Variants in HIVEP3 observed in about 807,000 individuals in gnomAD.
HIVEP3 encodes the protein transcription factor HIVEP3.
Under a neutral mutation model 152.8 loss-of-function variants are expected in HIVEP3, and 49 were observed. The observed-to-expected ratio is 0.32, with a 90% CI of 0.26 to 0.41. The LOEUF (loss-of-function observed/expected upper bound fraction) is 0.41, where lower values mean the gene tolerates loss of function less well. HIVEP3 is among the 10% of genes least tolerant of loss of function. The probability of loss-of-function intolerance (pLI) is 1.00; values close to 1 mark genes in which losing one functional copy is unlikely to be tolerated. For missense variants in HIVEP3, 2,790 were observed against 3,103.3 expected (o/e 0.90, Z 2.40); for synonymous variants, 1,269 against 1,289.0 (o/e 0.98, Z 0.33).
chr1:41,790,896 G>A (rs1649651921), intron 1 of HIVEP3, among the ~76,000 whole-genome samples: 1 of 151,988 alleles, frequency 6.6e-6, no homozygotes. Flanking sequence ...CCCAACCCCT[G>A]TACCATTTTC....
At chr1:41,556,299 T>C (rs1055045783) in intron 5 of HIVEP3, among the ~76,000 whole-genome samples, 11 of 152,250 alleles carry the variant, frequency 7.2e-5, no homozygotes, top group African/African-American at 2.2e-4. Flanking sequence ...TTATTTTCCA[T>C]GTTTTTGATA....
At chr1:41,804,160 G>A (rs758713015) in intron 1 of HIVEP3, among the ~76,000 whole-genome samples, 5 of 152,136 alleles carry the variant, frequency 3.3e-5, no homozygotes, top group South Asian at 2.1e-4. Flanking sequence ...TACTTACTCT[G>A]TAAAACCCAC....
intron 1 of HIVEP3, among the ~76,000 whole-genome samples, chr1:41,739,155 C>G (rs1027825241): frequency 7.2e-5 from 11 of 152,252 alleles, no homozygotes; most frequent in African/African-American, 2.7e-4. Context: ...GAGCCCGCGC[C>G]GCCTCTGCCC....
At chr1:41,915,190 T>G (rs1292698925) in intron 1 of HIVEP3, among the ~76,000 whole-genome samples, 2 of 152,174 alleles carry the variant, frequency 1.3e-5, no homozygotes, top group Non-Finnish European at 2.9e-5. Flanking sequence ...TTAAATTGGA[T>G]GAACAAAATA....
chr1:41,785,418 G>A (rs1203532784), intron 1 of HIVEP3, among the ~76,000 whole-genome samples: 1 of 152,134 alleles, frequency 6.6e-6, no homozygotes, highest in Admixed American at 6.6e-5. Context: ...GATCAAAGGA[G>A]CAACAGACCA....
intron 1 of HIVEP3, among the ~76,000 whole-genome samples, chr1:42,023,978 TGTAAA>T (rs1645568953): frequency 6.6e-6 from 1 of 152,216 alleles, no homozygotes; most frequent in Non-Finnish European, 1.5e-5. Context: ...AGTCTGTAAA[TGTAAA>T]GTAGTGTTTT....
At chr1:41,599,263 T>C (rs1644711724) in intron 3 of HIVEP3, among the ~76,000 whole-genome samples, 1 of 152,088 alleles carries the variant, frequency 6.6e-6, no homozygotes, top group Admixed American at 6.6e-5. Flanking sequence ...GAATGTGAAA[T>C]GAATAAATGA....
intron 5 of HIVEP3, among the ~76,000 whole-genome samples, chr1:41,541,861 A>G (rs949138688): frequency 2.0e-5 from 3 of 152,216 alleles, no homozygotes; most frequent in Non-Finnish European, 2.9e-5. Flanking sequence ...TCACTCTGTA[A>G]TAACTCATGG....
At chr1:41,606,110 ACT>A (rs1644819322) in intron 3 of HIVEP3, among the ~76,000 whole-genome samples, 1 of 149,488 alleles carries the variant, frequency 6.7e-6, no homozygotes, top group Admixed American at 6.6e-5. Context: ...TATGGTACTG[ACT>A]CTCTGCTGTG....
chr1:41,759,909 C>T (rs2055953), intron 1 of HIVEP3, among the ~76,000 whole-genome samples: 73,225 of 152,026 alleles, frequency 0.48, 20,095 homozygotes, highest in Non-Finnish European at 0.63. Context: ...CGAGAGGTGC[C>T]ATATTAGAGT....
intron 3 of HIVEP3, among the ~76,000 whole-genome samples, chr1:41,609,517 T>C (rs961470871): frequency 1.3e-5 from 2 of 151,986 alleles, no homozygotes; most frequent in African/African-American, 4.8e-5. Flanking sequence ...CAGCTGAGAT[T>C]CAGCGAGCTA....
intron 1 of HIVEP3, among the ~76,000 whole-genome samples, chr1:41,725,520 A>G (rs531798568): frequency 5.3e-5 from 8 of 152,310 alleles, no homozygotes; most frequent in Non-Finnish European, 1.0e-4. Context: ...AGCCCAAACT[A>G]TTGTCTGTGC....
chr1:41,826,533 C>T (rs1005790616), intron 1 of HIVEP3, among the ~76,000 whole-genome samples: 1 of 152,200 alleles, frequency 6.6e-6, no homozygotes, highest in Admixed American at 6.5e-5. Flanking sequence ...CCTCCCTCAG[C>T]CTCCCGATGT....
At chr1:41,793,082 G>A (rs1162109860) in intron 1 of HIVEP3, among the ~76,000 whole-genome samples, 1 of 152,220 alleles carries the variant, frequency 6.6e-6, no homozygotes, top group Non-Finnish European at 1.5e-5. Context: ...GGAGTGGCCT[G>A]TCATGGGAGG....
chr1:41,748,787 C>A (rs991734020), intron 1 of HIVEP3, among the ~76,000 whole-genome samples: 3 of 152,238 alleles, frequency 2.0e-5, no homozygotes, highest in African/African-American at 7.2e-5. Flanking sequence ...CACAGACCCC[C>A]TGCCGCCCAC....
intron 3 of HIVEP3, among the ~76,000 whole-genome samples, chr1:41,600,974 T>C (rs945419902): frequency 1.3e-5 from 2 of 152,196 alleles, no homozygotes; most frequent in Non-Finnish European, 2.9e-5. Context: ...CTTTTGCATA[T>C]GAATATCCAG....
chr1:42,002,312 G>A (rs1645432704), intron 1 of HIVEP3, among the ~76,000 whole-genome samples: 1 of 152,048 alleles, frequency 6.6e-6, no homozygotes, highest in Non-Finnish European at 1.5e-5. Flanking sequence ...CAGCAACCAA[G>A]GGAACGGGCA....
intron 1 of HIVEP3, among the ~76,000 whole-genome samples, chr1:41,811,692 G>A (rs899211398): frequency 6.6e-6 from 1 of 151,900 alleles, no homozygotes; most frequent in Non-Finnish European, 1.5e-5. Flanking sequence ...AGCACCACGG[G>A]GAGGGGGTGG....
chr1:41,781,464 G>A (rs1296922672), intron 1 of HIVEP3, among the ~76,000 whole-genome samples: 1 of 152,106 alleles, frequency 6.6e-6, no homozygotes, highest in East Asian at 1.9e-4. Flanking sequence ...CTTCCTAAAG[G>A]GCTCTTGAAA....
Sources: gnomAD v4.1 joint callset for allele counts (sites outside exome capture counted in the v4.1 genomes callset) on GRCh38, gnomAD v4.1.1 for gene constraint, MANE v1.5 for transcripts, NCBI Gene and HGNC (gene_info 2026-07-23, HGNC 2026-07-21) for gene names.